CSMD1: variants seen among roughly 807,000 people sequenced by gnomAD.
The protein encoded by CSMD1 is CUB and Sushi multiple domains 1, also known as CUB and sushi domain-containing protein 1.
A neutral mutation model predicts 417.5 loss-of-function variants in CSMD1; 213 were observed. That is an observed-to-expected ratio of 0.51 (90% confidence interval 0.46 to 0.57). The LOEUF (loss-of-function observed/expected upper bound fraction) is 0.57, where lower values mean the gene tolerates loss of function less well. CSMD1 is among the 20% of genes least tolerant of loss of function. The pLI, the probability that CSMD1 is intolerant of heterozygous loss-of-function variation, is 0.00. For synonymous variants in CSMD1, 2,862 were observed against 1,736.8 expected (o/e 1.65, Z -16.11); for missense variants, 6,923 against 4,529.7 (o/e 1.53, Z -15.17).
chr8:3,178,973 A>G (rs1280161725), intron 37 of CSMD1, among the ~76,000 whole-genome samples: 2 of 140,530 alleles, frequency 1.4e-5, no homozygotes, highest in African/African-American at 5.4e-5. Flanking sequence ...TTTGAGACGG[A>G]GTCTCACTCT....
At chr8:3,092,193 TG>T (rs1389282531) in intron 47 of CSMD1, among the ~76,000 whole-genome samples, 2 of 152,126 alleles carry the variant, frequency 1.3e-5, no homozygotes, top group Non-Finnish European at 2.9e-5. Context: ...ACTAGTAATT[TG>T]GAGTTTTAAA....
intron 10 of CSMD1, among the ~76,000 whole-genome samples, chr8:3,540,204 T>C (rs1400021092): frequency 6.6e-6 from 1 of 152,210 alleles, no homozygotes; most frequent in Non-Finnish European, 1.5e-5. Context: ...TATTCCAATG[T>C]TTTAGGCTTA....
intron 2 of CSMD1, among the ~76,000 whole-genome samples, chr8:4,430,513 C>G (rs944395272): frequency 1.3e-5 from 2 of 151,942 alleles, no homozygotes; most frequent in Non-Finnish European, 2.9e-5. Flanking sequence ...AAATTTCCTC[C>G]TAAGAAATTA....
chr8:3,567,743 T>C (rs183587799), intron 10 of CSMD1, among the ~76,000 whole-genome samples: 1 of 152,280 alleles, frequency 6.6e-6, no homozygotes, highest in African/African-American at 2.4e-5. Context: ...TTCCTCCACA[T>C]CCTCTGAGAC....
intron 2 of CSMD1, among the ~76,000 whole-genome samples, chr8:4,494,614 G>C (rs1801888780): frequency 6.6e-6 from 1 of 151,872 alleles, no homozygotes; most frequent in Non-Finnish European, 1.5e-5. Flanking sequence ...CTAACTATGG[G>C]TTTTAAAAGA....
chr8:3,097,885 G>A (rs1308903651), intron 46 of CSMD1, among the ~76,000 whole-genome samples: 1 of 152,210 alleles, frequency 6.6e-6, no homozygotes, highest in Non-Finnish European at 1.5e-5. Context: ...CTCAGCAGGA[G>A]CCCTGATTCC....
intron 1 of CSMD1, among the ~76,000 whole-genome samples, chr8:4,797,309 C>G (rs1222421532): frequency 6.6e-6 from 1 of 152,162 alleles, no homozygotes; most frequent in Non-Finnish European, 1.5e-5. Flanking sequence ...GCTGCTCTTG[C>G]TTTTGTGGCA....
chr8:4,179,616 C>A (rs181720600), intron 3 of CSMD1, among the ~76,000 whole-genome samples: 1 of 150,746 alleles, frequency 6.6e-6, no homozygotes, highest in African/African-American at 2.5e-5. Context: ...CACAGCAAAA[C>A]AAACTACCAT....
At chr8:4,608,111 A>C (rs962747533) in intron 2 of CSMD1, among the ~76,000 whole-genome samples, 4 of 152,192 alleles carry the variant, frequency 2.6e-5, no homozygotes, top group African/African-American at 9.7e-5. Flanking sequence ...CAAGGTGACC[A>C]GTGTCCCTGG....
chr8:4,861,939 T>C (rs1242855974), intron 1 of CSMD1, among the ~76,000 whole-genome samples: 1 of 152,066 alleles, frequency 6.6e-6, no homozygotes, highest in African/African-American at 2.4e-5. Context: ...AAAACGGGGA[T>C]GCAACAAATA....
intron 2 of CSMD1, among the ~76,000 whole-genome samples, chr8:4,615,232 G>T (rs12681985): frequency 2.0e-5 from 3 of 152,084 alleles, no homozygotes; most frequent in African/African-American, 7.2e-5. Context: ...GTACCCATGT[G>T]AACACAACAC....
Position 4,055,595 on chromosome 8 carries a change from C to T in CSMD1, c.416-23496G>A, listed in dbSNP as rs1488144599. Among the ~76,000 whole-genome samples the T allele has an allele frequency of 1.1e-4, 16 of 151,642 alleles. No homozygotes were observed. The East Asian group carries it at 1.4e-3, about 13-fold the overall frequency. ...GTCAAAATCAGCTAAGATTTAATAACGTTAAGAATTTTAATGAATATAAAA... is the reference window on the plus strand; with the variant it reads ...GTCAAAATCAGCTAAGATTTAATAATGTTAAGAATTTTAATGAATATAAAA... On this transcript the variant is annotated intron_variant, in intron 3 of 69. Coordinates refer to ENST00000635120, the MANE Select transcript of CSMD1 (RefSeq NM_033225.6).
At chr8:3,175,715 C>A (rs1023631004) in intron 37 of CSMD1, among the ~76,000 whole-genome samples, 4 of 152,010 alleles carry the variant, frequency 2.6e-5, no homozygotes, top group Non-Finnish European at 5.9e-5. Flanking sequence ...GGCTTCCACA[C>A]TGGACCATGT....
chr8:4,789,568 A>G (rs1275393919), intron 1 of CSMD1, among the ~76,000 whole-genome samples: 1 of 152,156 alleles, frequency 6.6e-6, no homozygotes, highest in African/African-American at 2.4e-5. Context: ...TTTGTTCACA[A>G]TCTGGCACCC....
chr8:4,404,985 C>CA (rs1804909193), intron 3 of CSMD1, among the ~76,000 whole-genome samples: 1 of 152,190 alleles, frequency 6.6e-6, no homozygotes, highest in Non-Finnish European at 1.5e-5. Flanking sequence ...GAGGATTAGT[C>CA]ATTTTCTCAA....
chr8:4,181,894 A>G (rs1417566008), intron 3 of CSMD1, among the ~76,000 whole-genome samples: 3 of 152,166 alleles, frequency 2.0e-5, no homozygotes, highest in Non-Finnish European at 2.9e-5. Context: ...TTTCACAGTG[A>G]TAACCACAAA....
chr8:4,417,070 C>T (rs776980117), intron 3 of CSMD1, among the ~76,000 whole-genome samples: 26 of 151,620 alleles, frequency 1.7e-4, no homozygotes, highest in Non-Finnish European at 2.4e-4. Context: ...AAGTTACTAC[C>T]TTCAATTTTA....
intron 3 of CSMD1, among the ~76,000 whole-genome samples, chr8:4,105,626 A>C (rs1296543573): frequency 6.6e-6 from 1 of 152,208 alleles, no homozygotes; most frequent in Admixed American, 6.5e-5. Context: ...GGGAAAGCAA[A>C]GGGGATTGGA....
At chr8:4,062,561 A>C (rs865846845) in intron 3 of CSMD1, among the ~76,000 whole-genome samples, 4 of 152,116 alleles carry the variant, frequency 2.6e-5, no homozygotes, top group African/African-American at 9.7e-5. Flanking sequence ...CATTTCGTGA[A>C]ACATATCCTA....
Sources: allele counts gnomAD v4.1 joint callset (sites outside exome capture counted in the v4.1 genomes callset), GRCh38; gene constraint gnomAD v4.1.1; transcripts MANE v1.5; gene names NCBI Gene and HGNC (gene_info 2026-07-23, HGNC 2026-07-21).